The following HMGCLL1 variants were observed in gnomAD, a reference collection of about 807,000 sequenced individuals.
The protein encoded by HMGCLL1 is 3-hydroxymethyl-3-methylglutaryl-CoA lyase, cytoplasmic.
Under a neutral mutation model 39.1 loss-of-function variants are expected in HMGCLL1, and 36 were observed. That is an observed-to-expected ratio of 0.92 (90% CI 0.71 to 1.22). The LOEUF is 1.22. HMGCLL1 is among the 50% of genes most tolerant of loss of function. The pLI is 0.00. For synonymous variants in HMGCLL1, 149 were observed against 144.0 expected (o/e 1.03, Z -0.25); for missense variants, 451 against 416.5 (o/e 1.08, Z -0.72).
At chr6:55,500,202 C>A (rs12208624) in intron 5 of HMGCLL1, among the ~76,000 whole-genome samples, 23,034 of 151,822 alleles carry the variant, frequency 0.15, 2,193 homozygotes, top group Non-Finnish European at 0.21. Flanking sequence ...GAAAGCAAAG[C>A]CTTTGAACGC....
At chr6:55,540,022 G>A (rs572673081) in intron 3 of HMGCLL1, among the ~76,000 whole-genome samples, 67 of 70,066 alleles carry the variant, frequency 9.6e-4, no homozygotes, top group African/African-American at 3.4e-3. Flanking sequence ...GGGAGGGAGG[G>A]AGGGAGGGAG....
chr6:55,633,910 C>T, the HMGCLL1 span, among the ~76,000 whole-genome samples: 1 of 151,906 alleles, frequency 6.6e-6, no homozygotes, highest in Non-Finnish European at 1.5e-5. Flanking sequence ...CTCAAGTATC[C>T]GAAACATTCT....
At chr6:55,511,834 C>T (rs570295526) in intron 5 of HMGCLL1, among the ~76,000 whole-genome samples, 1 of 152,074 alleles carries the variant, frequency 6.6e-6, no homozygotes, top group Admixed American at 6.6e-5. Flanking sequence ...TACTGAAAGG[C>T]ATATTTCTGA....
the HMGCLL1 span, among the ~76,000 whole-genome samples, chr6:55,650,646 G>C: frequency 6.6e-6 from 1 of 151,872 alleles, no homozygotes. Context: ...CCTATCCCCC[G>C]GGTATGTCCA....
At chr6:55,435,992 A>ATTACAGCATAC (rs1581777048) in intron 8 of HMGCLL1, among the ~76,000 whole-genome samples, 2 of 152,128 alleles carry the variant, frequency 1.3e-5, no homozygotes, top group East Asian at 3.9e-4. Flanking sequence ...ACCCTTGTAT[A>ATTACAGCATAC]ATAATATAGG....
intron 7 of HMGCLL1, among the ~76,000 whole-genome samples, chr6:55,450,976 C>G (rs1764054318): frequency 6.6e-6 from 1 of 152,102 alleles, no homozygotes; most frequent in Admixed American, 6.6e-5. Context: ...AGTTCATTGG[C>G]TGAGAGTCAT....
rs1182898989 is a variant in HMGCLL1 at position 55,434,711 on chromosome 6, T to TA, written c.*950dup. 1 of 151,960 alleles carries TA rather than the reference T, an allele frequency of 6.6e-6. No homozygotes were observed. The highest frequency in any genetic ancestry group is 2.4e-5 in the African/African-American group (1 of 41,392). 9.4% of individuals were successfully genotyped at this position (151,960 alleles called of 1,614,324 possible). Reference sequence around the variant, plus strand: ...CCACTTCAACTTCTAAAATAACCACTAAAAAATACACCAAAAAATAATGTG... The same window carrying TA: ...CCACTTCAACTTCTAAAATAACCACTAAAAAAATACACCAAAAAATAATGTG... On this transcript the variant is annotated 3_prime_UTR_variant, in exon 9 of 9. Coordinates refer to ENST00000274901, the MANE Select transcript of HMGCLL1 (RefSeq NM_001042406.2).
intron 5 of HMGCLL1, among the ~76,000 whole-genome samples, chr6:55,511,640 C>T (rs1312327069): frequency 5.3e-5 from 8 of 152,070 alleles, no homozygotes; most frequent in African/African-American, 1.7e-4. Context: ...GCTGAAGCAT[C>T]TACTGCAGTT....
chr6:55,643,419 T>A, the HMGCLL1 span, among the ~76,000 whole-genome samples: 3 of 152,062 alleles, frequency 2.0e-5, no homozygotes, highest in East Asian at 5.8e-4. Flanking sequence ...GTCATTGGTA[T>A]TTTGATAGAC....
the HMGCLL1 span, among the ~76,000 whole-genome samples, chr6:55,663,063 C>A: frequency 6.6e-6 from 1 of 150,776 alleles, no homozygotes; most frequent in East Asian, 2.0e-4. Context: ...TGTTTGTTTG[C>A]CTCTTCCCTG....
intron 1 of HMGCLL1, chr6:55,566,503 C>T: frequency 2.5e-6 from 1 of 405,366 alleles, no homozygotes; most frequent in South Asian, 1.8e-5. Flanking sequence ...GAGGCACTTA[C>T]TATTGGTGGA....
intron 7 of HMGCLL1, among the ~76,000 whole-genome samples, chr6:55,456,807 G>T (rs2127393060): frequency 6.6e-6 from 1 of 152,238 alleles, no homozygotes; most frequent in Non-Finnish European, 1.5e-5. Flanking sequence ...CCAGCCTATA[G>T]GGCTCACTGC....
intron 3 of HMGCLL1, among the ~76,000 whole-genome samples, chr6:55,528,352 C>T (rs992186756): frequency 6.6e-6 from 1 of 152,042 alleles, no homozygotes; most frequent in African/African-American, 2.4e-5. Flanking sequence ...TCAATTTGAG[C>T]AGTAACTCCT....
the HMGCLL1 span, among the ~76,000 whole-genome samples, chr6:55,669,563 G>T: frequency 1.4e-3 from 217 of 151,708 alleles, no homozygotes; most frequent in African/African-American, 5.1e-3. Context: ...AGATGAAAAA[G>T]GCTTTAAAAT....
At chr6:55,599,268 A>G in the HMGCLL1 span, among the ~76,000 whole-genome samples, 1 of 152,138 alleles carries the variant, frequency 6.6e-6, no homozygotes, top group Non-Finnish European at 1.5e-5. Flanking sequence ...ATAATTAAAA[A>G]AGAAAGAAAG....
At chr6:55,582,795 G>GTTTTTCCCATTTTA (rs1430317183), upstream of HMGCLL1, among the ~76,000 whole-genome samples, 20 of 151,896 alleles carry the variant, frequency 1.3e-4, no homozygotes, top group Admixed American at 5.9e-4. Flanking sequence ...TATACTTTTT[G>GTTTTTCCCATTTTA]TTTTTCCCAT....
intron 5 of HMGCLL1, among the ~76,000 whole-genome samples, 187 bp from the exon 6 acceptor site, chr6:55,499,486 T>C (rs1463427427): frequency 6.6e-6 from 1 of 152,132 alleles, no homozygotes; most frequent in Non-Finnish European, 1.5e-5. Flanking sequence ...CATTTTTATC[T>C]TTCTATAATA....
intron 3 of HMGCLL1, among the ~76,000 whole-genome samples, chr6:55,526,176 T>G (rs930783500): frequency 3.3e-5 from 5 of 152,008 alleles, no homozygotes; most frequent in African/African-American, 1.2e-4. Flanking sequence ...CACCTCACTC[T>G]TATTGAAGTG....
chr6:55,650,090 CATATAT>C, the HMGCLL1 span, among the ~76,000 whole-genome samples: 2,471 of 51,920 alleles, frequency 0.048, 145 homozygotes, highest in Middle Eastern at 0.081. Context: ...CACACATATA[CATATAT>C]ATATATATAT....
Sources: gnomAD v4.1 joint callset for allele counts (sites outside exome capture counted in the v4.1 genomes callset) on GRCh38, gnomAD v4.1.1 for gene constraint, MANE v1.5 for transcripts, NCBI Gene and HGNC (gene_info 2026-07-23, HGNC 2026-07-21) for gene names.